NSMCE2: variants seen among roughly 807,000 people sequenced by gnomAD.
The protein encoded by NSMCE2 is NSE2 SUMO ligase component of SMC5/6 complex.
In NSMCE2, 24 loss-of-function variants were observed where a neutral mutation model predicts 23.8. That is an observed-to-expected ratio of 1.01 (90% CI 0.73 to 1.42). The LOEUF is 1.42. Ranked by LOEUF, NSMCE2 falls within the 40% of genes most tolerant of loss-of-function variation. The probability of loss-of-function intolerance (pLI) is 0.00; values close to 1 mark genes in which losing one functional copy is unlikely to be tolerated. For synonymous variants in NSMCE2, 92 were observed against 94.1 expected, an observed-to-expected ratio of 0.98 and a Z score of 0.13; for missense variants, 284 against 296.5, an observed-to-expected ratio of 0.96 and a Z score of 0.31.
intron 5 of NSMCE2, among the ~76,000 whole-genome samples, chr8:125,261,377 GA>G (rs747704595): frequency 1.3e-5 from 2 of 152,186 alleles, no homozygotes; most frequent in African/African-American, 2.4e-5. Context: ...TCCAATATCA[GA>G]AAGCCTTTAT....
intron 5 of NSMCE2, among the ~76,000 whole-genome samples, chr8:125,218,761 A>C (rs1286586268): frequency 1.3e-5 from 2 of 152,304 alleles, no homozygotes; most frequent in African/African-American, 4.8e-5. Context: ...TTTCAGTTTT[A>C]CTAGATAAAG....
chr8:125,357,351 AC>A, intron 6 of NSMCE2, 32 bp downstream of exon 6: 1 of 1,357,236 alleles, frequency 7.4e-7, no homozygotes, highest in Non-Finnish European at 1.1e-6. Flanking sequence ...CCTGAAAGAA[AC>A]ACGATTCACT....
intron 5 of NSMCE2, among the ~76,000 whole-genome samples, chr8:125,275,931 C>G (rs71516775): frequency 6.6e-6 from 1 of 152,182 alleles, no homozygotes; most frequent in Non-Finnish European, 1.5e-5. Flanking sequence ...TTAGCCCGAC[C>G]TAAATTCCAG....
chr8:125,129,652 C>T (rs1336664373), intron 3 of NSMCE2, among the ~76,000 whole-genome samples: 1 of 151,630 alleles, frequency 6.6e-6, no homozygotes, highest in Non-Finnish European at 1.5e-5. Context: ...GCCTTATTTA[C>T]ATGCAAGTTA....
At chr8:125,150,383 G>T (rs796400143) in intron 3 of NSMCE2, among the ~76,000 whole-genome samples, 6 of 140,004 alleles carry the variant, frequency 4.3e-5, no homozygotes, top group African/African-American at 1.3e-4. Flanking sequence ...TACTGTATCT[G>T]ATATCTTTGG....
intron 3 of NSMCE2, among the ~76,000 whole-genome samples, chr8:125,105,456 C>T (rs1444170474): frequency 1.3e-5 from 2 of 151,790 alleles, no homozygotes; most frequent in Non-Finnish European, 2.9e-5. Context: ...GGAGTTTTAG[C>T]TACAGAGTTT....
chr8:125,140,529 A>AGG (rs1185004723), intron 3 of NSMCE2, among the ~76,000 whole-genome samples: 63 of 152,090 alleles, frequency 4.1e-4, no homozygotes, highest in African/African-American at 1.4e-3. Flanking sequence ...TGGGCGTGGT[A>AGG]GTGGGTGCCT....
intron 4 of NSMCE2, among the ~76,000 whole-genome samples, chr8:125,163,640 T>A (rs978906135): frequency 6.6e-6 from 1 of 152,284 alleles, no homozygotes; most frequent in Middle Eastern, 3.4e-3. Flanking sequence ...TGAAAGGTGG[T>A]TATATAGTTA....
intron 1 of NSMCE2, among the ~76,000 whole-genome samples, chr8:125,098,376 C>T (rs1480338638): frequency 6.6e-6 from 1 of 152,144 alleles, no homozygotes; most frequent in Non-Finnish European, 1.5e-5. Context: ...CCACTATTGT[C>T]AGTTATTACG....
chr8:125,293,468 G>GTAGGTCTTGAACCTTT (rs1391763733), intron 5 of NSMCE2, among the ~76,000 whole-genome samples: 1 of 150,830 alleles, frequency 6.6e-6, no homozygotes, highest in African/African-American at 2.5e-5. Flanking sequence ...TTTATTTACT[G>GTAGGTCTTGAACCTTT]ACTCCAGTGG....
intron 5 of NSMCE2, among the ~76,000 whole-genome samples, chr8:125,301,640 TC>T (rs1828566814): frequency 6.7e-6 from 1 of 148,680 alleles, no homozygotes; most frequent in Non-Finnish European, 1.5e-5. Flanking sequence ...ACATGAGTTT[TC>T]CATACAAGCC....
chr8:125,356,334 T>C (rs935117079), intron 5 of NSMCE2, among the ~76,000 whole-genome samples: 1 of 143,638 alleles, frequency 7.0e-6, no homozygotes, highest in African/African-American at 2.6e-5. Context: ...TGGTTTTTTT[T>C]TTTTTTTTTT....
intron 3 of NSMCE2, among the ~76,000 whole-genome samples, chr8:125,102,832 T>C (rs1459804801): frequency 6.6e-6 from 1 of 152,240 alleles, no homozygotes; most frequent in Non-Finnish European, 1.5e-5. Flanking sequence ...CAGTAGTTTA[T>C]ACTTTGGTCA....
chr8:125,340,012 G>GATT (rs1554640774), intron 5 of NSMCE2, among the ~76,000 whole-genome samples: 2 of 102,828 alleles, frequency 1.9e-5, no homozygotes, highest in East Asian at 6.1e-4. Context: ...GTTTTTTTTT[G>GATT]TTTTTTTTTT....
intron 5 of NSMCE2, among the ~76,000 whole-genome samples, chr8:125,337,443 G>C (rs565335601): frequency 6.6e-6 from 1 of 152,284 alleles, no homozygotes; most frequent in South Asian, 2.1e-4. Flanking sequence ...AATTATCTCT[G>C]TTGCTCAATT....
chr8:125,267,006 T>TC (rs1445797561), intron 5 of NSMCE2, among the ~76,000 whole-genome samples: 10 of 140,482 alleles, frequency 7.1e-5, no homozygotes, highest in Admixed American at 2.1e-4. Context: ...TTTCTTTCTT[T>TC]TTTTTTTTTT....
At chr8:125,235,643 C>T (rs1369662670) in intron 5 of NSMCE2, among the ~76,000 whole-genome samples, 3 of 152,192 alleles carry the variant, frequency 2.0e-5, no homozygotes, top group Non-Finnish European at 4.4e-5. Flanking sequence ...GGAAATCTTT[C>T]CATGTCAGTG....
chr8:125,203,009 A>G (rs76709147), intron 5 of NSMCE2, among the ~76,000 whole-genome samples: 119 of 152,326 alleles, frequency 7.8e-4, no homozygotes, highest in African/African-American at 2.6e-3. Flanking sequence ...TGTATTCACC[A>G]TGAACCTTCC....
At chr8:125,256,859 G>T (rs1194527937) in intron 5 of NSMCE2, among the ~76,000 whole-genome samples, 1 of 140,656 alleles carries the variant, frequency 7.1e-6, no homozygotes, top group African/African-American at 2.6e-5. Flanking sequence ...CTGGGAAGTG[G>T]TTGCAGTGAG....
Sources: allele counts gnomAD v4.1 joint callset (sites outside exome capture counted in the v4.1 genomes callset), GRCh38; gene constraint gnomAD v4.1.1; transcripts MANE v1.5; gene names NCBI Gene and HGNC (gene_info 2026-07-23, HGNC 2026-07-21).